Variants in SUCO observed in about 807,000 individuals in gnomAD.
The protein encoded by SUCO is SUN domain containing ossification factor.
SUCO carries 57 observed loss-of-function variants against 148.1 expected under a neutral mutation model. The observed-to-expected ratio is 0.38, with a 90% CI of 0.31 to 0.48. The LOEUF (loss-of-function observed/expected upper bound fraction) is 0.48, where lower values mean the gene tolerates loss of function less well. SUCO is among the 20% of genes least tolerant of loss of function. SUCO has a pLI of 0.96. For missense variants in SUCO, 1,331 were observed against 1,468.2 expected, an observed-to-expected ratio of 0.91 and a Z score of 1.53; for synonymous variants, 470 against 502.7, an observed-to-expected ratio of 0.93 and a Z score of 0.87.
chr1:172,608,857 G>T, intron 23 of SUCO, 55 bp downstream of exon 23: 2 of 1,225,758 alleles, frequency 1.6e-6, no homozygotes, highest in Non-Finnish European at 2.4e-6. Context: ...AATAAATGAA[G>T]AAAAGAGGTT....
At position 172,533,475 on chromosome 1, in the gene SUCO, C is replaced by G; in HGVS notation, c.40C>G (p.Leu14Val). 6.4e-7 allele frequency: 1 copy of G among 1,565,590 alleles called. No homozygotes were observed. ...GCGGGCCTTGGCCCTGGTCTCCTGC[C>G]TCTTTCTGTGCTCTCTGGTCTGGTG... ...HRRALALVSC[L>V]FLCSLVWLPS... The change falls in exon 1 of 24, where the codon CTC becomes GTC. Residue 14 changes from leucine to valine, a missense_variant. Leu to Val is a conservative substitution (Grantham distance 32). This residue lies in a region of SUCO where 992 missense variants were observed against 1,093.5 expected (regional missense o/e 0.91). Transcript: ENST00000263688.
chr1:172,579,449 GGA>G (rs1655708521), intron 15 of SUCO, among the ~76,000 whole-genome samples, 182 bp downstream of exon 15: 1 of 152,008 alleles, frequency 6.6e-6, no homozygotes, highest in African/African-American at 2.4e-5. Context: ...AAAAGAAAGA[GGA>G]GAGAGACAAA....
At chr1:172,577,585 T>C (rs764424564) in intron 12 of SUCO, 26 bp downstream of exon 12, 3 of 1,610,156 alleles carry the variant, frequency 1.9e-6, no homozygotes, top group Non-Finnish European at 2.5e-6. Context: ...TTTTGCACTA[T>C]TAAATAACAG....
In SUCO at chr1:172,611,102, G is replaced by C. The variant is rs1658185844; in HGVS notation, c.*843G>C. The C allele has an allele frequency of 6.6e-6, 1 of 152,548 alleles. No homozygotes were observed. Among genetic ancestry groups the C allele is most frequent in the Non-Finnish European group, 1.5e-5 (1 of 68,020 alleles). 9.4% of individuals were successfully genotyped at this position (152,548 alleles called of 1,614,324 possible). ...AACACTAATCCTCCAAACTTTCACTGTTTTTATTAGTATGAATATAAAATT... is the reference window on the plus strand; with the variant it reads ...AACACTAATCCTCCAAACTTTCACTCTTTTTATTAGTATGAATATAAAATT... On this transcript the variant is annotated 3_prime_UTR_variant, in exon 24 of 24. Coordinates refer to ENST00000263688, the MANE Select transcript of SUCO (RefSeq NM_014283.5).
intron 22 of SUCO, among the ~76,000 whole-genome samples, chr1:172,605,240 A>G (rs1002987364): frequency 6.6e-5 from 10 of 151,902 alleles, no homozygotes; most frequent in African/African-American, 2.2e-4. Flanking sequence ...TATCCAAGAA[A>G]TCATTATCAA....
chr1:172,604,814 C>T (rs1411965949), intron 22 of SUCO, among the ~76,000 whole-genome samples: 2 of 151,842 alleles, frequency 1.3e-5, no homozygotes, highest in East Asian at 3.9e-4. Flanking sequence ...ATAATGTCCT[C>T]AAGGTTCATC....
intron 14 of SUCO, 68 bp downstream of exon 14, chr1:172,578,457 G>C: frequency 2.0e-6 from 3 of 1,494,884 alleles, no homozygotes; most frequent in South Asian, 2.4e-5. Context: ...AATAGTAATG[G>C]GGGAGTATAG....
At chr1:172,552,627 A>G (rs1653387150) in intron 2 of SUCO, 1 of 981,918 alleles carries the variant, frequency 1.0e-6, no homozygotes, top group Non-Finnish European at 1.2e-6. Flanking sequence ...AGCATTTAAA[A>G]TTTTGAAGAC....
At chr1:172,573,300 G>A (rs1014847579) in intron 9 of SUCO, among the ~76,000 whole-genome samples, 4 of 152,046 alleles carry the variant, frequency 2.6e-5, no homozygotes, top group Admixed American at 2.0e-4. Flanking sequence ...TTATGTAAAT[G>A]AAATGATAGT....
At chr1:172,548,872 G>A (rs2472551) in intron 1 of SUCO, among the ~76,000 whole-genome samples, 5,194 of 151,932 alleles carry the variant, frequency 0.034, 268 homozygotes, top group African/African-American at 0.12. Context: ...TTCTTACATG[G>A]AATATAAATA....
chr1:172,589,778 A>C lies in SUCO; in HGVS notation c.2677A>C (p.Asn893His), dbSNP rs1242992535. 6.2e-7 allele frequency: 1 copy of C among 1,612,348 alleles called. No homozygotes were observed. Among genetic ancestry groups the C allele is most frequent in the Non-Finnish European group, 8.5e-7 (1 of 1,179,348 alleles). Residue 893 changes from asparagine (N) to histidine (H), a missense_variant, in exon 18 of 24, where the codon AAT becomes CAT. By Grantham distance (68) the Asn-to-His change is moderately conservative. Transcript: ENST00000263688. ...TATDFYAELQ[N>H]STDLGYANGN... ...TACAGATTTTTATGCTGAATTGCAAAATTCTACAGATCTAGGATATGCTAA... is the reference window on the plus strand; with the variant it reads ...TACAGATTTTTATGCTGAATTGCAACATTCTACAGATCTAGGATATGCTAA...
rs747084566 is a variant in SUCO at position 172,570,210 on chromosome 1, T to G, written c.981+39T>G. The G allele has an allele frequency of 3.1e-6, 4 of 1,272,374 alleles. No individual in the cohort carries two copies. In the South Asian group the frequency reaches 6.8e-5, roughly 22 times the overall value. The allele number at this position is 1,272,374 out of a possible 1,614,324, so 78.8% of individuals were successfully genotyped here. On this transcript the variant is annotated intron_variant, in intron 8 of 23. Transcript: ENST00000263688. ...TATAAAATTTTGTATATATAGGAAA[T>G]TAACGACTTTTTAAAATACAGGTTA...
In SUCO at chr1:172,575,578, A is replaced by G. The variant is rs373080687; in HGVS notation, c.1218A>G (p.Val406=). ...GTFHGRDERN[V]QSFPLDEQMY... is the part of the protein sequence containing the mutation. ...TTCATGGTAGAGATGAGCGGAATGT[A>G]CAGAGTTTCCCTTTAGATGAACAGA... Residue 406 remains valine (V), a synonymous_variant, in exon 11 of 24, where the codon GTA becomes GTG. Transcript: ENST00000263688. 8.7e-6 allele frequency: 14 copies of G among 1,612,376 alleles called. No homozygotes were observed. The Admixed American group carries it at 1.2e-4, about 13-fold the overall frequency.
intron 19 of SUCO, among the ~76,000 whole-genome samples, chr1:172,594,829 C>G (rs186304097): frequency 6.6e-6 from 1 of 152,158 alleles, no homozygotes; most frequent in Non-Finnish European, 1.5e-5. Context: ...TCCTGGATAT[C>G]TTTGTTAACT....
intron 19 of SUCO, among the ~76,000 whole-genome samples, chr1:172,597,873 A>G (rs570047740): frequency 6.6e-6 from 1 of 152,264 alleles, no homozygotes; most frequent in South Asian, 2.1e-4. Flanking sequence ...AATTGGAGAT[A>G]CACTTTGCAA....
chr1:172,569,308 G>T (rs1654775982), intron 7 of SUCO, 166 bp downstream of exon 7: 1 of 809,278 alleles, frequency 1.2e-6, no homozygotes, highest in South Asian at 5.6e-5. Flanking sequence ...TCATGTACCT[G>T]TATATAATTA....
intron 1 of SUCO, among the ~76,000 whole-genome samples, chr1:172,548,741 T>G (rs1429249706): frequency 6.6e-6 from 1 of 152,042 alleles, no homozygotes; most frequent in African/African-American, 2.4e-5. Context: ...GAGCTTGAGT[T>G]TTTGGAATTT....
Position 172,589,388 on chromosome 1 carries a change from C to A in SUCO, c.2287C>A (p.Pro763Thr). Residue 763 changes from proline (P) to threonine (T), a missense_variant, in exon 18 of 24, where the codon CCA becomes ACA. Coordinates refer to ENST00000263688, the MANE Select transcript of SUCO (RefSeq NM_014283.5). ...VEYEAGHIPS[P>T]VIPQESSVEI... Reference sequence around the variant, plus strand: ...ATATGAGGCAGGACATATACCATCACCAGTGATTCCCCAAGAGAGTTCTGT... The same window carrying A: ...ATATGAGGCAGGACATATACCATCAACAGTGATTCCCCAAGAGAGTTCTGT... 1 of 1,613,660 alleles carries A rather than the reference C, an allele frequency of 6.2e-7. No individual in the cohort carries two copies. Among genetic ancestry groups the A allele is most frequent in the Non-Finnish European group, 8.5e-7 (1 of 1,179,820 alleles).
Position 172,557,632 on chromosome 1 carries a change from G to T in SUCO, c.582-12G>T. On this transcript the variant is annotated splice_polypyrimidine_tract_variant and intron_variant, in intron 5 of 23. Transcript: ENST00000263688. ...AATCTGTTTATTTAATATATCTTTTGGTTTTAAACAGCCTTGTTGGCCAGC... is the reference window on the plus strand; with the variant it reads ...AATCTGTTTATTTAATATATCTTTTTGTTTTAAACAGCCTTGTTGGCCAGC... 1.3e-6 allele frequency: 2 copies of T among 1,574,128 alleles called. No individual in the cohort carries two copies. The highest frequency in any genetic ancestry group is 2.4e-5 in the South Asian group (2 of 84,080).
Sources: allele counts gnomAD v4.1 joint callset (sites outside exome capture counted in the v4.1 genomes callset), GRCh38; gene constraint gnomAD v4.1.1; regional missense constraint gnomAD v4.1.1; transcripts MANE v1.5; gene names NCBI Gene and HGNC (gene_info 2026-07-23, HGNC 2026-07-21).